The following NEK6 variants were observed in gnomAD, a reference collection of about 807,000 sequenced individuals.
NEK6 encodes the protein NIMA related kinase 6, also known as serine/threonine-protein kinase Nek6.
Under a neutral mutation model 43.5 loss-of-function variants are expected in NEK6, and 27 were observed. The observed-to-expected ratio is 0.62, with a 90% confidence interval of 0.46 to 0.86. The LOEUF (loss-of-function observed/expected upper bound fraction) is 0.86. Among genes scored for constraint, NEK6 ranks in the 40% least tolerant of loss-of-function variants. The pLI, the probability that NEK6 is intolerant of heterozygous loss-of-function variation, is 0.00. For synonymous variants in NEK6, 167 were observed against 164.1 expected (o/e 1.02, Z -0.14); for missense variants, 318 against 414.4 (o/e 0.77, Z 2.02).
At chr9:124,270,597 A>G (rs1267769636) in intron 1 of NEK6, among the ~76,000 whole-genome samples, 2 of 151,568 alleles carry the variant, frequency 1.3e-5, no homozygotes, top group African/African-American at 4.9e-5. Context: ...TTTGTTTGCT[A>G]TTTAATGTCT....
At position 124,312,557 on chromosome 9, in the gene NEK6, A is replaced by G; in HGVS notation, c.139A>G (p.Ile47Val). ...SFRCSLADFQ[I>V]EKKIGRGQFS... ...TCGCTGCTCGCTGGCGGACTTCCAG[A>G]TCGAAAAGAAGATAGGCCGAGGACA... The change falls in exon 3 of 10, where the codon ATC becomes GTC. Residue 47 changes from isoleucine (I) to valine (V), a missense_variant. Physicochemically the swap from Ile to Val is conservative, Grantham distance 29. Coordinates refer to ENST00000320246, the MANE Select transcript of NEK6 (RefSeq NM_014397.6). 1 of 1,614,184 alleles carries G rather than the reference A, an allele frequency of 6.2e-7. No individual in the cohort carries two copies. The highest frequency in any genetic ancestry group is 8.5e-7 in the Non-Finnish European group (1 of 1,180,020).
chr9:124,264,921 C>T (rs1042550415), intron 1 of NEK6, among the ~76,000 whole-genome samples: 5 of 151,448 alleles, frequency 3.3e-5, no homozygotes, highest in Non-Finnish European at 5.9e-5. Context: ...TCCGGGGAGG[C>T]GAAGGGGGCA....
chr9:124,336,320 G>A (rs1829288332), intron 7 of NEK6, among the ~76,000 whole-genome samples: 2 of 152,316 alleles, frequency 1.3e-5, no homozygotes, highest in East Asian at 1.9e-4. Flanking sequence ...GTAAAGAACT[G>A]TCCTCAGTTT....
intron 4 of NEK6, among the ~76,000 whole-genome samples, chr9:124,321,199 G>A (rs765865774): frequency 1.5e-4 from 23 of 152,200 alleles, no homozygotes; most frequent in Non-Finnish European, 2.2e-4. Flanking sequence ...GACCCATGTC[G>A]TCTTCACAAC....
At chr9:124,301,649 G>C (rs181451206) in intron 1 of NEK6, among the ~76,000 whole-genome samples, 19 of 152,150 alleles carry the variant, frequency 1.2e-4, no homozygotes, top group Non-Finnish European at 2.4e-4. Flanking sequence ...GGTTGAATCC[G>C]GTGTCTTCCT....
rs934097132 is a variant in NEK6, at chr9:124,326,722, C to G, written c.514+284C>G. 9.8e-5 allele frequency among the ~76,000 whole-genome samples: 15 copies of G among 152,314 alleles called. No individual in the cohort carries two copies. Among genetic ancestry groups the G allele is most frequent in the Admixed American group, 4.6e-4 (7 of 15,306 alleles). ...GGAGGGAGGTCGAGGAAGCCTCGCACAGAGGGGACTTTCATGGGGGCTTTG... is the reference window on the plus strand; with the variant it reads ...GGAGGGAGGTCGAGGAAGCCTCGCAGAGAGGGGACTTTCATGGGGGCTTTG... On this transcript the variant is annotated intron_variant, in intron 6 of 9. Coordinates refer to ENST00000320246, the MANE Select transcript of NEK6 (RefSeq NM_014397.6). The surrounding 1 kb of genome is among the most constrained non-coding windows in gnomAD (Gnocchi z 4.5).
intron 1 of NEK6, among the ~76,000 whole-genome samples, chr9:124,288,694 G>A (rs1832267245): frequency 6.6e-6 from 1 of 152,162 alleles, no homozygotes; most frequent in Non-Finnish European, 1.5e-5. Flanking sequence ...AGCCCTACAA[G>A]ATGGGTCCTA....
chr9:124,262,648 C>T (rs1386140415), intron 1 of NEK6, among the ~76,000 whole-genome samples: 1 of 152,158 alleles, frequency 6.6e-6, no homozygotes, highest in Non-Finnish European at 1.5e-5. Flanking sequence ...TGTGGCTGGG[C>T]GAGTGGGGGG....
chr9:124,309,153 G>A (rs578152171), intron 2 of NEK6, among the ~76,000 whole-genome samples: 2 of 152,318 alleles, frequency 1.3e-5, no homozygotes, highest in South Asian at 4.1e-4. Flanking sequence ...CCCTGGGAGT[G>A]CAGTGGTGCC....
rs1268305976 is a variant in NEK6 at position 124,275,440 on chromosome 9, T to C, written c.-30+17355T>C. Among the ~76,000 whole-genome samples the C allele has an allele frequency of 6.6e-6, 1 of 152,182 alleles. No individual in the cohort carries two copies. The highest frequency in any genetic ancestry group is 1.5e-5 in the Non-Finnish European group (1 of 68,026). ...GGGTAACGGGGTCAGCATTCAGAAG[T>C]GTCAGCTCCAGCTGCCTGCCCCCGC... On this transcript the variant is annotated intron_variant, in intron 1 of 9. Coordinates refer to ENST00000320246, the MANE Select transcript of NEK6 (RefSeq NM_014397.6). The surrounding 1 kb of genome is among the most constrained non-coding windows in gnomAD (Gnocchi z 4.4).
intron 5 of NEK6, 135 bp downstream of exon 5, chr9:124,321,704 C>T: frequency 1.6e-6 from 1 of 620,042 alleles, no homozygotes; most frequent in Non-Finnish European, 2.9e-6. Flanking sequence ...GGGCGCCCCC[C>T]TGCAGATGCC....
At chr9:124,323,105 G>C (rs187876246) in intron 5 of NEK6, among the ~76,000 whole-genome samples, 1 of 152,198 alleles carries the variant, frequency 6.6e-6, no homozygotes, top group Admixed American at 6.5e-5. Flanking sequence ...CAAGAACTAG[G>C]GTTGCCGCCA....
At chr9:124,261,420 C>G (rs898545338) in intron 1 of NEK6, 3 of 985,312 alleles carry the variant, frequency 3.0e-6, no homozygotes, top group African/African-American at 1.7e-5. Flanking sequence ...GTGGAGGGAC[C>G]TGGTGAATCA....
intron 1 of NEK6, among the ~76,000 whole-genome samples, chr9:124,295,956 T>C (rs1832668490): frequency 6.6e-6 from 1 of 152,256 alleles, no homozygotes; most frequent in Non-Finnish European, 1.5e-5. Flanking sequence ...TGATGGTACT[T>C]TGCAGGTGTC....
chr9:124,285,122 G>A (rs1274169371), intron 1 of NEK6, among the ~76,000 whole-genome samples: 1 of 152,216 alleles, frequency 6.6e-6, no homozygotes, highest in African/African-American at 2.4e-5. Context: ...GGCAAGCCCA[G>A]GTTTTGGGTC....
rs541748057 is a variant in NEK6 at position 124,282,362 on chromosome 9, A to G, written c.-29-19574A>G. Among the ~76,000 whole-genome samples, 21 of 152,216 alleles carry G rather than the reference A, an allele frequency of 1.4e-4. 1 individual carries two copies. In the South Asian group the frequency reaches 3.1e-3, roughly 23 times the overall value. ...GCGTCTGTCTCTGTGTCCATCCCTC[A>G]TAGAAAGACACCCGTCATTGAATTT... On this transcript the variant is annotated intron_variant, in intron 1 of 9. Transcript: ENST00000320246.
At chr9:124,338,425 T>G (rs116169912) in intron 7 of NEK6, among the ~76,000 whole-genome samples, 1 of 152,372 alleles carries the variant, frequency 6.6e-6, no homozygotes, top group South Asian at 2.1e-4. Flanking sequence ...TTGTCTCTTA[T>G]GTACTGATTT....
rs568607921 is a variant in NEK6, at chr9:124,258,300, G to A, written c.-30+215G>A. ...GGGGGCGGCGTGTCCGCGTGTCCCG[G>A]GGTGTGCGCGTCCCCGGCGGGTGTG... On this transcript the variant is annotated intron_variant, in intron 1 of 9. Coordinates refer to ENST00000320246, the MANE Select transcript of NEK6 (RefSeq NM_014397.6). 9.3e-5 allele frequency: 92 copies of A among 985,264 alleles called. No homozygotes were observed. In the South Asian group the frequency reaches 3.7e-3, roughly 40 times the overall value. The allele number at this position is 985,264 out of a possible 1,614,324, so 61.0% of individuals were successfully genotyped here. A position where few individuals can be genotyped will look rare whatever the true frequency, so the allele number is the denominator to read the frequency against.
chr9:124,309,490 C>T (rs1833426480), intron 2 of NEK6, among the ~76,000 whole-genome samples: 1 of 152,182 alleles, frequency 6.6e-6, no homozygotes, highest in African/African-American at 2.4e-5. Flanking sequence ...TTCACTGTGC[C>T]TGGGGGAAAC....
Sources: gnomAD v4.1 joint callset for allele counts (sites outside exome capture counted in the v4.1 genomes callset) on GRCh38, gnomAD v4.1.1 for gene constraint, Gnocchi (gnomAD v3.1) non-coding constraint, MANE v1.5 for transcripts, NCBI Gene and HGNC (gene_info 2026-07-23, HGNC 2026-07-21) for gene names.